Variants in DLG1 observed in about 807,000 individuals in gnomAD.
DLG1 encodes the protein discs large MAGUK scaffold protein 1, also known as disks large homolog 1.
Under a neutral mutation model 123.4 loss-of-function variants are expected in DLG1, and 42 were observed. The ratio of observed to expected loss-of-function variants is 0.34; its 90% CI spans 0.27 to 0.44. DLG1 has a LOEUF of 0.44. DLG1 is among the 20% of genes least tolerant of loss of function. DLG1 has a pLI of 1.00. For synonymous variants in DLG1, 317 were observed against 356.2 expected (o/e 0.89, Z 1.24); for missense variants, 942 against 1,082.6 (o/e 0.87, Z 1.82).
intron 6 of DLG1, among the ~76,000 whole-genome samples, chr3:197,143,263 G>GT (rs11406773): frequency 0.41 from 62,501 of 151,244 alleles, 13,517 homozygotes; most frequent in East Asian, 0.74. Flanking sequence ...TTTTTGTTTT[G>GT]TTTTTTTGAG....
intron 5 of DLG1, among the ~76,000 whole-genome samples, chr3:197,164,825 G>A (rs1800580539): frequency 6.6e-6 from 1 of 151,780 alleles, no homozygotes; most frequent in South Asian, 2.1e-4. Flanking sequence ...GGGAGGGTGA[G>A]TCAGGAGAAC....
rs1181281044 is a variant in DLG1 at position 197,245,907 on chromosome 3, G to GGC, written c.318+36771_318+36772insGC. Among the ~76,000 whole-genome samples the GGC allele has an allele frequency of 2.2e-3, 319 of 141,798 alleles. 7 individuals are homozygous for GGC. Among genetic ancestry groups the GGC allele is most frequent in the Non-Finnish European group, 3.8e-3 (247 of 64,660 alleles). 93.0% of individuals were successfully genotyped at this position (141,798 alleles called of 152,430 possible). On this transcript the variant is annotated intron_variant, in intron 4 of 24. Coordinates refer to ENST00000667157, the MANE Select transcript of DLG1 (RefSeq NM_001366207.1). ...ACAATACTTTTTTTTTTTTGGGGGGGGGGGAGGTGGCAAATGAAGGTTATC... is the reference window on the plus strand; with the variant it reads ...ACAATACTTTTTTTTTTTTGGGGGGGGCGGGGAGGTGGCAAATGAAGGTTATC...
At chr3:197,240,880 A>G (rs1748490975) in intron 4 of DLG1, among the ~76,000 whole-genome samples, 1 of 151,232 alleles carries the variant, frequency 6.6e-6, no homozygotes, top group African/African-American at 2.4e-5. Flanking sequence ...AAAAAGAATG[A>G]AAAGCAACAA....
At chr3:197,141,187 A>G (rs895662840) in intron 7 of DLG1, among the ~76,000 whole-genome samples, 5 of 152,234 alleles carry the variant, frequency 3.3e-5, no homozygotes, top group South Asian at 2.1e-4. Context: ...TTAAAATTCT[A>G]TTTTAATAAA....
chr3:197,126,880 T>C (rs1412061309), intron 11 of DLG1, among the ~76,000 whole-genome samples: 1 of 152,204 alleles, frequency 6.6e-6, no homozygotes, highest in Non-Finnish European at 1.5e-5. Context: ...AGTAATATAA[T>C]GAATCTTGAC....
chr3:197,162,381 C>T (rs61437497), intron 5 of DLG1, among the ~76,000 whole-genome samples: 6,481 of 152,032 alleles, frequency 0.043, 183 homozygotes, highest in Non-Finnish European at 0.054. Flanking sequence ...AACTGGAACA[C>T]AGGAAAGTTG....
At chr3:197,134,153 G>C (rs1191128102) in intron 10 of DLG1, among the ~76,000 whole-genome samples, 1 of 152,206 alleles carries the variant, frequency 6.6e-6, no homozygotes. Context: ...GTTATAGTTT[G>C]AGGAAAGAGT....
chr3:197,243,167 A>T (rs1361160999), intron 4 of DLG1, among the ~76,000 whole-genome samples: 2 of 152,164 alleles, frequency 1.3e-5, no homozygotes, highest in Non-Finnish European at 2.9e-5. Context: ...GGACCACACA[A>T]TCTAAACTGA....
chr3:197,168,313 C>G lies in DLG1; in HGVS notation c.484-18517G>C, dbSNP rs192078984. On this transcript the variant is annotated intron_variant, in intron 5 of 24. Coordinates refer to ENST00000667157, the MANE Select transcript of DLG1 (RefSeq NM_001366207.1). Reference sequence around the variant, plus strand: ...CCAACACCGCTGAGAAAGTCAACGACGCATCAACACACACAATTCCCTAAT... The same window carrying G: ...CCAACACCGCTGAGAAAGTCAACGAGGCATCAACACACACAATTCCCTAAT... 1.0e-3 allele frequency among the ~76,000 whole-genome samples: 152 copies of G among 152,310 alleles called. 2 individuals are homozygous for G. The highest frequency in any genetic ancestry group is 3.3e-3 in the African/African-American group (137 of 41,568).
At chr3:197,162,426 A>G (rs1021744288) in intron 5 of DLG1, among the ~76,000 whole-genome samples, 4 of 152,192 alleles carry the variant, frequency 2.6e-5, no homozygotes, top group South Asian at 2.1e-4. Flanking sequence ...TATAAATAAA[A>G]TATCTTATAT....
intron 4 of DLG1, among the ~76,000 whole-genome samples, chr3:197,240,234 T>C (rs902020915): frequency 2.0e-5 from 3 of 152,214 alleles, no homozygotes; most frequent in Non-Finnish European, 2.9e-5. Context: ...GAAGGTTTAT[T>C]GTACAGGTCC....
At chr3:197,187,108 G>A (rs1388981824) in intron 5 of DLG1, among the ~76,000 whole-genome samples, 1 of 152,118 alleles carries the variant, frequency 6.6e-6, no homozygotes, top group Admixed American at 6.6e-5. Context: ...ACACAGATTT[G>A]CTATTTATCT....
At chr3:197,060,946 GGTGTGC>G (rs1735342251) in intron 22 of DLG1, among the ~76,000 whole-genome samples, 1 of 152,170 alleles carries the variant, frequency 6.6e-6, no homozygotes, top group Non-Finnish European at 1.5e-5. Context: ...TAGGACAACA[GGTGTGC>G]GCCACCACAC....
intron 4 of DLG1, among the ~76,000 whole-genome samples, chr3:197,244,648 A>G (rs946598117): frequency 6.6e-6 from 1 of 151,630 alleles, no homozygotes; most frequent in Non-Finnish European, 1.5e-5. Flanking sequence ...ACAATAGCGC[A>G]TGACTTTGAA....
rs538658959 is a variant in DLG1, at chr3:197,275,610, G to A, written c.318+7069C>T. On this transcript the variant is annotated intron_variant, in intron 4 of 24. Coordinates refer to ENST00000667157, the MANE Select transcript of DLG1 (RefSeq NM_001366207.1). ...CATCTGCAGCATCATGGATGAGCCT[G>A]AAGGATATCTTATGAGAAATAAGCC... Among the ~76,000 whole-genome samples the A allele has an allele frequency of 3.9e-5, 6 of 152,358 alleles. No individual in the cohort carries two copies. In the South Asian group the frequency reaches 1.2e-3, roughly 32 times the overall value.
At chr3:197,069,621 T>G (rs1742225834) in intron 18 of DLG1, 1 of 161,484 alleles carries the variant, frequency 6.2e-6, no homozygotes, top group Non-Finnish European at 1.3e-5. Flanking sequence ...CAGCGTTAAC[T>G]GGCAAAGGGG....
At chr3:197,123,429 G>A (rs1017019734) in intron 11 of DLG1, among the ~76,000 whole-genome samples, 1 of 152,110 alleles carries the variant, frequency 6.6e-6, no homozygotes, top group Non-Finnish European at 1.5e-5. Context: ...ATGGAAAAAT[G>A]TAAAAAGATT....
Position 197,125,054 on chromosome 3 carries a change from A to G in DLG1, c.1165+5473T>C, listed in dbSNP as rs369684104. ...AACAGGAACAATGACAGTGACTCCCATTAAAACACAAGTGAAAGTCGAGTT... is the reference window on the plus strand; with the variant it reads ...AACAGGAACAATGACAGTGACTCCCGTTAAAACACAAGTGAAAGTCGAGTT... On this transcript the variant is annotated intron_variant, in intron 11 of 24. Transcript: ENST00000667157. 2.9e-3 allele frequency among the ~76,000 whole-genome samples: 442 copies of G among 152,338 alleles called. 4 individuals are homozygous for G. Among genetic ancestry groups the G allele is most frequent in the African/African-American group, 0.01 (421 of 41,588 alleles).
intron 3 of DLG1, among the ~76,000 whole-genome samples, chr3:197,288,362 C>CA (rs1290725400): frequency 0.27 from 12,259 of 45,414 alleles, 1,620 homozygotes; most frequent in East Asian, 0.62. Flanking sequence ...GACTCCGTCT[C>CA]AAAAAAAAAA....
Sources: gnomAD v4.1 joint callset for allele counts (sites outside exome capture counted in the v4.1 genomes callset) on GRCh38, gnomAD v4.1.1 for gene constraint, MANE v1.5 for transcripts, NCBI Gene and HGNC (gene_info 2026-07-23, HGNC 2026-07-21) for gene names.